MCM6: variants seen among roughly 807,000 people sequenced by gnomAD.
MCM6 encodes the protein DNA replication licensing factor MCM6.
A neutral mutation model predicts 94.3 loss-of-function variants in MCM6; 46 were observed. That is an observed-to-expected ratio of 0.49 (90% CI 0.39 to 0.62). MCM6 has a LOEUF of 0.62. MCM6 is among the 20% of genes least tolerant of loss of function. MCM6 has a pLI of 0.00. For synonymous variants in MCM6, 335 were observed against 351.9 expected (o/e 0.95, Z 0.54); for missense variants, 865 against 1,017.9 (o/e 0.85, Z 2.04).
At chr2:135,866,528 G>A (rs749299921) in intron 5 of MCM6, 35 bp downstream of exon 5, 17 of 1,585,770 alleles carry the variant, frequency 1.1e-5, no homozygotes, top group Middle Eastern at 1.7e-4. Flanking sequence ...TTAGGTAACT[G>A]AGAATTTGTT....
chr2:135,852,101 G>C (rs4988232), intron 12 of MCM6, among the ~76,000 whole-genome samples: 1 of 151,906 alleles, frequency 6.6e-6, no homozygotes, highest in South Asian at 2.1e-4. Context: ...TTTTACACAA[G>C]AATCACCCAT....
chr2:135,848,872 G>A (rs2105575102), intron 13 of MCM6, among the ~76,000 whole-genome samples: 2 of 152,178 alleles, frequency 1.3e-5, no homozygotes, highest in South Asian at 4.2e-4. Context: ...GCGACAGAGT[G>A]AGACTCCATC....
chr2:135,871,148 G>C (rs906431308), intron 2 of MCM6, among the ~76,000 whole-genome samples: 2 of 152,170 alleles, frequency 1.3e-5, no homozygotes, highest in African/African-American at 4.8e-5. Context: ...TGAGAGTGAA[G>C]TATGCATGTC....
At position 135,848,097 on chromosome 2, in the gene MCM6, T is replaced by A; in HGVS notation, c.2009A>T (p.Glu670Val). 1 of 1,609,742 alleles carries A rather than the reference T, an allele frequency of 6.2e-7. No individual in the cohort carries two copies. Among genetic ancestry groups the A allele is most frequent in the Non-Finnish European group, 8.5e-7 (1 of 1,176,076 alleles). Residue 670 changes from glutamate to valine, a missense_variant, in exon 14 of 17, where the codon GAA becomes GTA. Physicochemically the swap from Glu to Val is moderately radical, Grantham distance 121. Coordinates refer to ENST00000264156, the MANE Select transcript of MCM6 (RefSeq NM_005915.6). The stretch of plus-strand genomic sequence containing the variant: ...CTCATCTACCTCCATCTGGATCTCT[T>A]CCTCTTGATCTAGATTGACATCAGG... ...ETPDVNLDQEEEIQMEVDEGA... is the reference protein window; with the variant it reads ...ETPDVNLDQEVEIQMEVDEGA...
rs765368148 is a variant in MCM6, at chr2:135,840,850, G to A, written c.2451C>T (p.Tyr817=). The stretch of plus-strand genomic sequence containing the variant: ...TTTCACTATCTCAATCTTCGAGCAA[G>A]TAGTTAGGGTTAACTACCAAGTAGG... ...EDPYLVVNPN[Y]LLED Residue 817 remains tyrosine (Y), a synonymous_variant, in exon 17 of 17, where the codon TAC becomes TAT. Transcript: ENST00000264156. 6.2e-7 allele frequency: 1 copy of A among 1,612,292 alleles called. No individual in the cohort carries two copies. The highest frequency in any genetic ancestry group is 8.5e-7 in the Non-Finnish European group (1 of 1,178,268).
chr2:135,863,291 G>T (rs1158111886), intron 7 of MCM6, among the ~76,000 whole-genome samples: 2 of 152,074 alleles, frequency 1.3e-5, no homozygotes. Flanking sequence ...CCAATAAGAA[G>T]GAAAAACAAT....
At chr2:135,850,301 A>T (rs6752362) in intron 13 of MCM6, among the ~76,000 whole-genome samples, 2 of 151,380 alleles carry the variant, frequency 1.3e-5, no homozygotes, top group Non-Finnish European at 1.5e-5. Context: ...TTTTTTTTTA[A>T]TTTCCAACTT....
intron 16 of MCM6, 70 bp from the exon 17 acceptor site, chr2:135,841,021 G>T: frequency 1.8e-6 from 2 of 1,102,820 alleles, no homozygotes; most frequent in Non-Finnish European, 2.7e-6. Context: ...TACAAGACTT[G>T]ACCCTTCTTC....
intron 11 of MCM6, 65 bp from the exon 12 acceptor site, chr2:135,852,980 A>G: frequency 7.1e-7 from 1 of 1,417,516 alleles, no homozygotes; most frequent in Non-Finnish European, 9.5e-7. Flanking sequence ...TATCCCAGGC[A>G]ATAAGAAATG....
chr2:135,868,806 C>T lies in MCM6; in HGVS notation c.420G>A (p.Gln140=). 1 of 1,614,098 alleles carries T rather than the reference C, an allele frequency of 6.2e-7. No homozygotes were observed. The highest frequency in any genetic ancestry group is 8.5e-7 in the Non-Finnish European group (1 of 1,179,940). Residue 140 remains glutamine, a synonymous_variant, in exon 4 of 17, where the codon CAG becomes CAA. Coordinates refer to ENST00000264156, the MANE Select transcript of MCM6 (RefSeq NM_005915.6). ...RIGLLTRISG[Q]VVRTHPVHPE... ...GGTGAACTGGGTGAGTCCGCACCAC[C>T]TGCCCACTGATGCGAGTGAGCAAAC... is the stretch of plus-strand genomic sequence containing the variant.
intron 4 of MCM6, among the ~76,000 whole-genome samples, chr2:135,867,919 C>T (rs930176355): frequency 4.6e-5 from 7 of 151,834 alleles, no homozygotes; most frequent in African/African-American, 7.3e-5. Context: ...CCCAGCTACT[C>T]GGGAGGCTGA....
chr2:135,855,357 T>C (rs998202975), intron 11 of MCM6, among the ~76,000 whole-genome samples: 1 of 151,784 alleles, frequency 6.6e-6, no homozygotes, highest in African/African-American at 2.4e-5. Context: ...GGAAAAAAAG[T>C]GAACCAAACC....
intron 8 of MCM6, 74 bp downstream of exon 8, chr2:135,862,533 C>T: frequency 6.6e-7 from 1 of 1,522,266 alleles, no homozygotes. Flanking sequence ...ATACTGACTG[C>T]ATTCTTGGTA....
intron 11 of MCM6, among the ~76,000 whole-genome samples, chr2:135,856,259 A>G (rs189925408): frequency 2.2e-3 from 332 of 152,282 alleles, no homozygotes; most frequent in African/African-American, 7.7e-3. Flanking sequence ...CCTGACCAAC[A>G]TGGTGAGACC....
Position 135,864,197 on chromosome 2 carries a change from T to C in MCM6, c.1078+816A>G, listed in dbSNP as rs569487081. 5.3e-5 allele frequency among the ~76,000 whole-genome samples: 8 copies of C among 152,236 alleles called. No individual in the cohort carries two copies. In the East Asian group the frequency reaches 1.5e-3, roughly 29 times the overall value. On this transcript the variant is annotated intron_variant, in intron 7 of 16. Coordinates refer to ENST00000264156, the MANE Select transcript of MCM6 (RefSeq NM_005915.6). Reference sequence around the variant, plus strand: ...GTATGGAAGACAAGGATGGAAGAGTTCAAAGATAAAGCATCAGGCCTAAAA... The same window carrying C: ...GTATGGAAGACAAGGATGGAAGAGTCCAAAGATAAAGCATCAGGCCTAAAA...
At chr2:135,863,153 T>C (rs1055009287) in intron 7 of MCM6, among the ~76,000 whole-genome samples, 7 of 152,242 alleles carry the variant, frequency 4.6e-5, no homozygotes, top group African/African-American at 1.7e-4. Flanking sequence ...TGTGAAGAGT[T>C]TGAGGAAATG....
intron 3 of MCM6, 71 bp from the exon 4 acceptor site, chr2:135,868,931 G>T: frequency 7.0e-7 from 1 of 1,423,204 alleles, no homozygotes; most frequent in Admixed American, 1.9e-5. Flanking sequence ...TTTAGTGAGA[G>T]GGTATTCAAA....
At chr2:135,873,449 A>G (rs1040344201) in intron 1 of MCM6, among the ~76,000 whole-genome samples, 2 of 152,238 alleles carry the variant, frequency 1.3e-5, no homozygotes, top group Non-Finnish European at 2.9e-5. Flanking sequence ...GGTGTTTCAC[A>G]GCCCAAGACT....
In MCM6 at chr2:135,859,364, A is replaced by C. The variant is rs200784397; in HGVS notation, c.1299T>G (p.Val433=). The change falls in exon 9 of 17, where the codon GTT becomes GTG. Residue 433 remains valine (V), a synonymous_variant. Coordinates refer to ENST00000264156, the MANE Select transcript of MCM6 (RefSeq NM_005915.6). ...ASSAAGLTAA[V]VRDEESHEFV... is the part of the protein sequence containing the mutation. ...ACTCATGAGATTCTTCATCTCTCACAACAGCTGCTGTTAAGCCAGCAGCAC... is the reference window on the plus strand; with the variant it reads ...ACTCATGAGATTCTTCATCTCTCACCACAGCTGCTGTTAAGCCAGCAGCAC... The C allele has an allele frequency of 6.2e-7, 1 of 1,613,264 alleles. No individual in the cohort carries two copies. Among genetic ancestry groups the C allele is most frequent in the Non-Finnish European group, 8.5e-7 (1 of 1,179,204 alleles).
Sources: allele counts gnomAD v4.1 joint callset (sites outside exome capture counted in the v4.1 genomes callset), GRCh38; gene constraint gnomAD v4.1.1; transcripts MANE v1.5; gene names NCBI Gene and HGNC (gene_info 2026-07-23, HGNC 2026-07-21).